IRAK3: variants seen among roughly 807,000 people sequenced by gnomAD.
IRAK3 encodes the protein interleukin-1 receptor-associated kinase 3.
Under a neutral mutation model 56.6 loss-of-function variants are expected in IRAK3, and 57 were observed. The observed-to-expected ratio is 1.01, with a 90% CI of 0.81 to 1.26. The LOEUF is 1.26. Ranked by LOEUF, IRAK3 falls within the 50% of genes most tolerant of loss-of-function variation. IRAK3 has a pLI of 0.00. For missense variants in IRAK3, 703 were observed against 719.0 expected, an observed-to-expected ratio of 0.98 and a Z score of 0.25; for synonymous variants, 258 against 255.7, an observed-to-expected ratio of 1.01 and a Z score of -0.09.
Position 66,234,994 on chromosome 12 carries a change from G to A in IRAK3, c.887+6624G>A, listed in dbSNP as rs2052887215. On this transcript the variant is annotated intron_variant, in intron 8 of 11. Transcript: ENST00000261233. ...CGACAAAACCATAACCTTTGCATTT[G>A]TTCGTTGTCTTATGCAAAATTGCGT... The A allele has an allele frequency of 5.6e-6, 9 of 1,613,886 alleles. No homozygotes were observed. In the East Asian group the frequency reaches 1.8e-4, roughly 32 times the overall value.
At position 66,250,726 on chromosome 12, in the gene IRAK3, G is replaced by T. The variant is rs2053090473; in HGVS notation, c.*2555G>T. The T allele has an allele frequency of 6.6e-6, 1 of 152,214 alleles. No homozygotes were observed. Among genetic ancestry groups the T allele is most frequent in the African/African-American group, 2.4e-5 (1 of 41,446 alleles). 9.4% of individuals were successfully genotyped at this position (152,214 alleles called of 1,614,324 possible). A position where few individuals can be genotyped will look rare whatever the true frequency, so the allele number is the denominator to read the frequency against. On this transcript the variant is annotated 3_prime_UTR_variant, in exon 12 of 12. Transcript: ENST00000261233. ...AGTTACTCCGCACATATAATCTGTG[G>T]GTATTATGTTGATTTGAACTTGCTT...
At chr12:66,225,702 C>T (rs1034530983) in intron 6 of IRAK3, among the ~76,000 whole-genome samples, 2 of 150,978 alleles carry the variant, frequency 1.3e-5, no homozygotes, top group Admixed American at 6.6e-5. Context: ...CACACACAAT[C>T]GAGGAATAGA....
chr12:66,235,489 G>A (rs2136945706), intron 8 of IRAK3, among the ~76,000 whole-genome samples: 1 of 151,708 alleles, frequency 6.6e-6, no homozygotes, highest in African/African-American at 2.4e-5. Flanking sequence ...TAAAAGTGCG[G>A]CGCGGCGCGG....
At chr12:66,236,694 G>A (rs1176285035) in intron 8 of IRAK3, among the ~76,000 whole-genome samples, 1 of 152,156 alleles carries the variant, frequency 6.6e-6, no homozygotes, top group Non-Finnish European at 1.5e-5. Flanking sequence ...CAGTCTTAAG[G>A]TGACCTCTTG....
At chr12:66,237,546 A>C (rs1177772248) in intron 8 of IRAK3, among the ~76,000 whole-genome samples, 1 of 152,232 alleles carries the variant, frequency 6.6e-6, no homozygotes, top group African/African-American at 2.4e-5. Flanking sequence ...ATAGTAAATC[A>C]AAAGAGCACC....
chr12:66,228,704 G>T (rs2052814229), intron 8 of IRAK3, among the ~76,000 whole-genome samples: 1 of 152,106 alleles, frequency 6.6e-6, no homozygotes, highest in South Asian at 2.1e-4. Context: ...GCACAAAAGT[G>T]ATATGTATTA....
intron 1 of IRAK3, among the ~76,000 whole-genome samples, chr12:66,192,179 T>A (rs2052405929): frequency 6.6e-6 from 1 of 152,252 alleles, no homozygotes; most frequent in Non-Finnish European, 1.5e-5. Flanking sequence ...ATTCTCTTTT[T>A]TAATAGTGTC....
chr12:66,203,188 T>G (rs2052525882), intron 1 of IRAK3, among the ~76,000 whole-genome samples: 1 of 152,170 alleles, frequency 6.6e-6, no homozygotes, highest in African/African-American at 2.4e-5. Flanking sequence ...CCCGAAATAT[T>G]TATTAATTAT....
intron 6 of IRAK3, among the ~76,000 whole-genome samples, chr12:66,217,894 CT>C (rs1268127205): frequency 1.3e-5 from 2 of 152,044 alleles, no homozygotes; most frequent in Non-Finnish European, 2.9e-5. Flanking sequence ...AATCCATTTT[CT>C]TTTATACTGA....
At chr12:66,247,203 T>C (rs1402491932) in intron 11 of IRAK3, among the ~76,000 whole-genome samples, 4 of 151,896 alleles carry the variant, frequency 2.6e-5, no homozygotes, top group Non-Finnish European at 4.4e-5. Flanking sequence ...CTGGGAGGCG[T>C]AGGTTGCAGT....
At position 66,200,536 on chromosome 12, in the gene IRAK3, C is replaced by T. The variant is rs560103486; in HGVS notation, c.134-3175C>T. On this transcript the variant is annotated intron_variant, in intron 1 of 11. Transcript: ENST00000261233. ...GTATTGGCAGCACTAGTAATGTCTA[C>T]CGGGTCAATTTTTAGCTCATAGAAA... Among the ~76,000 whole-genome samples, 22 of 152,212 alleles carry T rather than the reference C, an allele frequency of 1.4e-4. No homozygotes were observed. In the East Asian group the frequency reaches 4.1e-3, roughly 28 times the overall value.
intron 1 of IRAK3, among the ~76,000 whole-genome samples, chr12:66,196,547 C>G (rs2052455057): frequency 6.6e-6 from 1 of 152,122 alleles, no homozygotes; most frequent in Non-Finnish European, 1.5e-5. Context: ...TAGGTTCCTA[C>G]CTGTGTCTAG....
rs1360461540 is a variant in IRAK3, at chr12:66,201,816, CAG to C, written c.134-1894_134-1893del. Among the ~76,000 whole-genome samples, 159 of 152,282 alleles carry C rather than the reference CAG, an allele frequency of 1.0e-3. 4 individuals are homozygous for C. Among genetic ancestry groups the C allele is most frequent in the Admixed American group, 9.9e-3 (151 of 15,298 alleles). On this transcript the variant is annotated intron_variant, in intron 1 of 11. Coordinates refer to ENST00000261233, the MANE Select transcript of IRAK3 (RefSeq NM_007199.3). ...TGCTCAAAAGTGTTCAATGGGAAGA[CAG>C]GGGGAACAAAACACCATTTCTCAAA...
chr12:66,250,883 T>C lies in IRAK3; in HGVS notation c.*2712T>C, dbSNP rs571318605. The C allele has an allele frequency of 4.6e-5, 7 of 152,338 alleles. No homozygotes were observed. Among genetic ancestry groups the C allele is most frequent in the Admixed American group, 1.3e-4 (2 of 15,300 alleles). 9.4% of individuals were successfully genotyped at this position (152,338 alleles called of 1,614,324 possible). On this transcript the variant is annotated 3_prime_UTR_variant, in exon 12 of 12. Transcript: ENST00000261233. ...GTCTGGGGTTAGAAATTTTGCTTTCTAATGAGTTCCCAGGTGATGCTGATG... is the reference window on the plus strand; with the variant it reads ...GTCTGGGGTTAGAAATTTTGCTTTCCAATGAGTTCCCAGGTGATGCTGATG...
Position 66,197,279 on chromosome 12 carries a change from CTGTATTTTTATT to C in IRAK3, c.134-6429_134-6418del, listed in dbSNP as rs1371119860. 13 of 1,130,398 alleles carry C rather than the reference CTGTATTTTTATT, an allele frequency of 1.2e-5. No homozygotes were observed. The African/African-American group carries it at 1.5e-4, about 13-fold the overall frequency. 70.0% of individuals were successfully genotyped at this position (1,130,398 alleles called of 1,614,324 possible). On this transcript the variant is annotated intron_variant, in intron 1 of 11. Coordinates refer to ENST00000261233, the MANE Select transcript of IRAK3 (RefSeq NM_007199.3). The stretch of plus-strand genomic sequence containing the variant: ...ATAATTAGTCATTGAGAACTTTTCT[CTGTATTTTTATT>C]TGATATGTACTGCGAGTAAACAAAG...
chr12:66,193,090 C>T (rs918493854), intron 1 of IRAK3, among the ~76,000 whole-genome samples: 3 of 152,060 alleles, frequency 2.0e-5, no homozygotes, highest in African/African-American at 7.3e-5. Flanking sequence ...TTACCGCAAC[C>T]TCCGCCTCCC....
At position 66,250,114 on chromosome 12, in the gene IRAK3, T is replaced by C. The variant is rs745729365; in HGVS notation, c.*1943T>C. On this transcript the variant is annotated 3_prime_UTR_variant, in exon 12 of 12. Coordinates refer to ENST00000261233, the MANE Select transcript of IRAK3 (RefSeq NM_007199.3). ...ATCAATAATTCAGCTATAATAAACA[T>C]TGCCGAATAAATTAACAAAGGGAGG... 6.6e-6 allele frequency: 1 copy of C among 152,158 alleles called. No homozygotes were observed. The highest frequency in any genetic ancestry group is 1.5e-5 in the Non-Finnish European group (1 of 68,034). The allele number at this position is 152,158 out of a possible 1,614,324, so 9.4% of individuals were successfully genotyped here. A position where few individuals can be genotyped will look rare whatever the true frequency, so the allele number is the denominator to read the frequency against.
intron 1 of IRAK3, chr12:66,196,935 T>C (rs1050159425): frequency 6.5e-7 from 1 of 1,535,600 alleles, no homozygotes; most frequent in Admixed American, 2.0e-5. Context: ...GGTTTTGGCA[T>C]GTGGTTGTAT....
chr12:66,209,487 T>C lies in IRAK3; in HGVS notation c.348T>C (p.Tyr116=), dbSNP rs1188291143. 1.2e-6 allele frequency: 2 copies of C among 1,606,814 alleles called. No homozygotes were observed. The highest frequency in any genetic ancestry group is 1.3e-5 in the African/African-American group (1 of 74,868). ...TGTTGAGTCCTTCAGAGAAGAGTTA[T>C]CAGGAAGGTGGATTTCCAAATATAT... ...GAVLSPSEKS[Y]QEGGFPNILF... is the part of the protein sequence containing the mutation. Residue 116 remains tyrosine (Y), a synonymous_variant, in exon 3 of 12, where the codon TAT becomes TAC. Coordinates refer to ENST00000261233, the MANE Select transcript of IRAK3 (RefSeq NM_007199.3).
Sources: allele counts gnomAD v4.1 joint callset (sites outside exome capture counted in the v4.1 genomes callset), GRCh38; gene constraint gnomAD v4.1.1; transcripts MANE v1.5; gene names NCBI Gene and HGNC (gene_info 2026-07-23, HGNC 2026-07-21).